The following MKNK1 variants were observed in gnomAD, a reference collection of about 807,000 sequenced individuals.
MKNK1 encodes the protein MAPK interacting serine/threonine kinase 1, also known as MAP kinase-interacting serine/threonine-protein kinase 1.
In MKNK1, 30 loss-of-function variants were observed where a neutral mutation model predicts 49.3. The observed-to-expected ratio is 0.61, with a 90% CI of 0.46 to 0.83. MKNK1 has a LOEUF of 0.83. Among genes scored for constraint, MKNK1 ranks in the 40% least tolerant of loss-of-function variants. The pLI is 0.00. For synonymous variants in MKNK1, 176 were observed against 201.7 expected (o/e 0.87, Z 1.08); for missense variants, 423 against 524.7 (o/e 0.81, Z 1.89).
chr1:46,560,204 G>A, intron 12 of MKNK1, 30 bp downstream of exon 12: 1 of 1,613,098 alleles, frequency 6.2e-7, no homozygotes, highest in Non-Finnish European at 8.5e-7. Context: ...TTGAGGAAGA[G>A]CATGGCGTGG....
chr1:46,562,932 A>G, intron 9 of MKNK1, 89 bp from the exon 10 acceptor site: 2 of 1,117,488 alleles, frequency 1.8e-6, no homozygotes, highest in Non-Finnish European at 1.3e-6. Context: ...GCAGACTGTG[A>G]TGGGACTGGA....
intron 2 of MKNK1, among the ~76,000 whole-genome samples, chr1:46,586,628 T>C (rs1210589497): frequency 2.0e-5 from 3 of 151,728 alleles, no homozygotes; most frequent in Non-Finnish European, 4.4e-5. Context: ...GTGTGGGGTA[T>C]GTCACACTGG....
chr1:46,568,077 AT>A lies in MKNK1; in HGVS notation c.513+365del, dbSNP rs367609740. Reference sequence around the variant, plus strand: ...GTCGAGGCTGCAGTGAGCTGTGATCATGCCACTGCATTCCAGCTTGGGTGGC... The same window carrying A: ...GTCGAGGCTGCAGTGAGCTGTGATCAGCCACTGCATTCCAGCTTGGGTGGC... On this transcript the variant is annotated intron_variant, in intron 8 of 12. Coordinates refer to ENST00000371945, the MANE Select transcript of MKNK1 (RefSeq NM_001135553.4). 2.7e-3 allele frequency: 528 copies of A among 198,590 alleles called. 3 individuals carry two copies. The highest frequency in any genetic ancestry group is 0.012 in the African/African-American group (508 of 42,078). The allele number at this position is 198,590 out of a possible 1,614,324, so 12.3% of individuals were successfully genotyped here. A position where few individuals can be genotyped will look rare whatever the true frequency, so the allele number is the denominator to read the frequency against.
rs181395905 is a variant in MKNK1 at position 46,560,252 on chromosome 1, G to A, written c.995C>T (p.Thr332Met). Residue 332 changes from threonine (T) to methionine (M), a missense_variant, in exon 12 of 13, where the codon ACG becomes ATG. Transcript: ENST00000371945. Reference protein sequence around the residue: ...QGQAPEKGLPTPQVLQRNSST... With the variant: ...QGQAPEKGLPMPQVLQRNSST... ...CATTTACCTCTGGAGGACTTGCGGC[G>A]TGGGGAGTCCCTTTTCTGGAGCTTG... 5.6e-6 allele frequency: 9 copies of A among 1,614,150 alleles called. No individual in the cohort carries two copies. The highest frequency in any genetic ancestry group is 3.3e-5 in the Admixed American group (2 of 60,028).
intron 3 of MKNK1, among the ~76,000 whole-genome samples, chr1:46,581,505 T>A (rs983333099): frequency 1.2e-4 from 4 of 32,398 alleles, no homozygotes; most frequent in East Asian, 2.5e-3. Context: ...TGAGACCCCA[T>A]ATCAAAAAAA....
At chr1:46,572,032 A>T (rs1670242917) in intron 7 of MKNK1, 31 bp downstream of exon 7, 3 of 1,605,162 alleles carry the variant, frequency 1.9e-6, no homozygotes. Flanking sequence ...GGCCAGCCCA[A>T]CCCACCCACC....
chr1:46,578,510 T>G (rs935863198), intron 4 of MKNK1, among the ~76,000 whole-genome samples: 2 of 152,108 alleles, frequency 1.3e-5, no homozygotes, highest in Non-Finnish European at 2.9e-5. Flanking sequence ...AATATACCTC[T>G]CATCCATAAA....
At chr1:46,568,687 G>A (rs1045117071) in intron 7 of MKNK1, 189 bp from the exon 8 acceptor site, 23 of 602,270 alleles carry the variant, frequency 3.8e-5, no homozygotes, top group Non-Finnish European at 5.6e-5. Context: ...TTGATTCTGC[G>A]GGTTCTTTTG....
Position 46,572,077 on chromosome 1 carries a change from A to C in MKNK1, c.443T>G (p.Phe148Cys), listed in dbSNP as rs1473814260. Reference protein sequence around the residue: ...VVRDVAAALDFLHTKGIAHRD... With the variant: ...VVRDVAAALDCLHTKGIAHRD... The stretch of plus-strand genomic sequence containing the variant: ...GCTGGGTTCACCTTTGGTATGCAGG[A>C]AGTCAAGGGCAGCAGCAACGTCCCG... Residue 148 changes from phenylalanine (F) to cysteine (C), a missense_variant, in exon 7 of 13, where the codon TTC (phenylalanine) becomes TGC (cysteine). Coordinates refer to ENST00000371945, the MANE Select transcript of MKNK1 (RefSeq NM_001135553.4). 1 of 1,614,084 alleles carries C rather than the reference A, an allele frequency of 6.2e-7. No homozygotes were observed. The highest frequency in any genetic ancestry group is 1.7e-5 in the Admixed American group (1 of 60,028).
chr1:46,574,481 T>C (rs1670663958), intron 6 of MKNK1: 1 of 154,954 alleles, frequency 6.5e-6, no homozygotes, highest in Non-Finnish European at 1.4e-5. Flanking sequence ...ACCCCAGTGA[T>C]TATGTGTGTG....
rs555703875 is a variant in MKNK1, at chr1:46,572,111, G to A, written c.409C>T (p.Arg137Ter). 3.7e-6 allele frequency: 6 copies of A among 1,614,174 alleles called. No homozygotes were observed. The highest frequency in any genetic ancestry group is 2.2e-5 in the East Asian group (1 of 44,890). The change falls in exon 7 of 13, where the codon CGA becomes TGA. Residue 137 changes from arginine to a stop codon, truncating the protein, a stop_gained. Coordinates refer to ENST00000371945, the MANE Select transcript of MKNK1 (RefSeq NM_001135553.4). LOFTEE classifies it high-confidence loss of function. ...GCAGCAGCAACGTCCCGCACCACTC[G>A]GCTGGCTTCTCGCTCATTGAAGTGC... ...QKHFNEREAS[R>*]VVRDVAAALD...
chr1:46,599,240 A>G (rs570043612), intron 1 of MKNK1, among the ~76,000 whole-genome samples: 1 of 152,320 alleles, frequency 6.6e-6, no homozygotes, highest in South Asian at 2.1e-4. Context: ...CAGGACTTGA[A>G]TGCCAGCCTC....
intron 6 of MKNK1, 38 bp from the exon 7 acceptor site, chr1:46,572,205 G>A (rs1393111254): frequency 8.3e-6 from 13 of 1,574,990 alleles, no homozygotes; most frequent in Non-Finnish European, 1.0e-5. Context: ...TGCCTTTTTG[G>A]GCTCTAGTAA....
intron 2 of MKNK1, among the ~76,000 whole-genome samples, chr1:46,586,650 C>G (rs1196033804): frequency 6.9e-6 from 1 of 144,430 alleles, no homozygotes; most frequent in Non-Finnish European, 1.5e-5. Flanking sequence ...CTTTTAGGTA[C>G]CCAGTGCACA....
rs762104845 is a variant in MKNK1, at chr1:46,562,860, T to A, written c.610-17A>T. On this transcript the variant is annotated splice_polypyrimidine_tract_variant and intron_variant, in intron 9 of 12. Transcript: ENST00000371945. Reference sequence around the variant, plus strand: ...AGAGCCACACTGTGGGGGCCAGGGTTGGGGGAGGGGGAGATGGCAGAGAAC... The same window carrying A: ...AGAGCCACACTGTGGGGGCCAGGGTAGGGGGAGGGGGAGATGGCAGAGAAC... 1 of 1,591,704 alleles carries A rather than the reference T, an allele frequency of 6.3e-7. No individual in the cohort carries two copies.
chr1:46,560,363 A>G, intron 11 of MKNK1, 86 bp from the exon 12 acceptor site: 3 of 1,413,728 alleles, frequency 2.1e-6, no homozygotes, highest in Non-Finnish European at 3.0e-6. Flanking sequence ...TGGGTAGGTT[A>G]CTATAGGCTG....
intron 11 of MKNK1, among the ~76,000 whole-genome samples, chr1:46,560,494 CCT>C (rs1358040437): frequency 6.6e-6 from 1 of 152,132 alleles, no homozygotes; most frequent in African/African-American, 2.4e-5. Context: ...ATGGAGAGCC[CCT>C]CTTTCCCTTT....
At chr1:46,574,660 A>C (rs1670690536) in intron 6 of MKNK1, 2 of 335,896 alleles carry the variant, frequency 6.0e-6, no homozygotes, top group South Asian at 1.1e-4. Flanking sequence ...AACAGTGAAC[A>C]TGTCAAAACG....
Position 46,575,003 on chromosome 1 carries a change from A to G in MKNK1, c.296T>C (p.Ile99Thr). The G allele has an allele frequency of 1.9e-6, 3 of 1,612,532 alleles. No individual in the cohort carries two copies. The highest frequency in any genetic ancestry group is 2.5e-6 in the Non-Finnish European group (3 of 1,178,878). Residue 99 changes from isoleucine (I) to threonine (T), a missense_variant, in exon 6 of 13, where the codon ATT (isoleucine) becomes ACT (threonine). Transcript: ENST00000371945. ...CCTTGTGTCATCTTCAAAGAACTCA[A>G]TCAGCTCCAAAATGTTCCTTAAATA... ...CQGNKNILEL[I>T]EFFEDDTRFY...
Sources: gnomAD v4.1 joint callset for allele counts (sites outside exome capture counted in the v4.1 genomes callset) on GRCh38, gnomAD v4.1.1 for gene constraint, MANE v1.5 for transcripts, NCBI Gene and HGNC (gene_info 2026-07-23, HGNC 2026-07-21) for gene names.